PPP1R13B: variants seen among roughly 807,000 people sequenced by gnomAD.
The protein encoded by PPP1R13B is protein phosphatase 1 regulatory subunit 13B.
PPP1R13B carries 44 observed loss-of-function variants against 119.8 expected under a neutral mutation model. The observed-to-expected ratio is 0.37, with a 90% CI of 0.29 to 0.47. The LOEUF (loss-of-function observed/expected upper bound fraction) is 0.47, where lower values mean the gene tolerates loss of function less well. Ranked by LOEUF, PPP1R13B falls within the 20% of genes least tolerant of loss-of-function variation. The probability of loss-of-function intolerance (pLI) is 0.99; values close to 1 mark genes in which losing one functional copy is unlikely to be tolerated. For missense variants in PPP1R13B, 1,227 were observed against 1,413.5 expected (o/e 0.87, Z 2.12); for synonymous variants, 542 against 561.5 (o/e 0.97, Z 0.49).
intron 7 of PPP1R13B, among the ~76,000 whole-genome samples, chr14:103,751,565 C>A (rs762185224): frequency 6.6e-6 from 1 of 152,062 alleles, no homozygotes; most frequent in Non-Finnish European, 1.5e-5. Flanking sequence ...TATGTTGAAG[C>A]CCTAACCCCA....
At chr14:103,780,518 A>C (rs2085312574) in intron 3 of PPP1R13B, among the ~76,000 whole-genome samples, 1 of 140,200 alleles carries the variant, frequency 7.1e-6, no homozygotes, top group Non-Finnish European at 1.5e-5. Context: ...AAAAAAAGAC[A>C]TTCACTGAGA....
At chr14:103,756,715 G>C (rs138086924) in intron 5 of PPP1R13B, among the ~76,000 whole-genome samples, 2 of 152,066 alleles carry the variant, frequency 1.3e-5, no homozygotes, top group African/African-American at 4.8e-5. Context: ...AACATACCCA[G>C]AGGCAAAAGG....
chr14:103,804,981 C>T (rs1430250564), intron 1 of PPP1R13B, among the ~76,000 whole-genome samples: 1 of 152,120 alleles, frequency 6.6e-6, no homozygotes, highest in Non-Finnish European at 1.5e-5. Context: ...GGATTATAGG[C>T]GCACGCTATC....
intron 4 of PPP1R13B, among the ~76,000 whole-genome samples, chr14:103,772,959 G>A (rs2085105963): frequency 6.6e-6 from 1 of 152,128 alleles, no homozygotes; most frequent in Non-Finnish European, 1.5e-5. Flanking sequence ...GAGCCATTGA[G>A]CTCGGCCTAT....
chr14:103,824,812 C>T (rs1014145725), intron 1 of PPP1R13B, among the ~76,000 whole-genome samples: 8 of 152,224 alleles, frequency 5.3e-5, no homozygotes, highest in African/African-American at 1.9e-4. Flanking sequence ...CTTTGTACTA[C>T]ATTTATCTTC....
intron 4 of PPP1R13B, among the ~76,000 whole-genome samples, chr14:103,761,047 G>A (rs1026427911): frequency 1.3e-5 from 2 of 151,932 alleles, no homozygotes; most frequent in South Asian, 4.1e-4. Context: ...GATGGCTCAC[G>A]GCTATAATCC....
At chr14:103,811,094 C>CAAAAAAAAAAA (rs36017203) in intron 1 of PPP1R13B, among the ~76,000 whole-genome samples, 3 of 65,842 alleles carry the variant, frequency 4.6e-5, no homozygotes, top group Non-Finnish European at 8.4e-5. Flanking sequence ...GACTCCTCCT[C>CAAAAAAAAAAA]AAAAAAAAAA....
At chr14:103,766,635 A>C (rs1484393154) in intron 4 of PPP1R13B, among the ~76,000 whole-genome samples, 3 of 152,144 alleles carry the variant, frequency 2.0e-5, no homozygotes, top group Non-Finnish European at 4.4e-5. Context: ...TTCAGACAAG[A>C]GTCTCGCTCT....
chr14:103,791,265 GCAAA>G (rs1299430519), intron 2 of PPP1R13B, among the ~76,000 whole-genome samples: 5 of 151,976 alleles, frequency 3.3e-5, no homozygotes, highest in Admixed American at 2.6e-4. Flanking sequence ...GACTACAGGC[GCAAA>G]CAATCACGCC....
intron 4 of PPP1R13B, among the ~76,000 whole-genome samples, chr14:103,772,675 C>CTTTTTT (rs200012700): frequency 1.4e-5 from 2 of 140,578 alleles, no homozygotes; most frequent in African/African-American, 2.6e-5. Flanking sequence ...GTTTCTTTTT[C>CTTTTTT]TTTTTTTTTT....
chr14:103,742,913 C>G lies in PPP1R13B; in HGVS notation c.1151-90G>C. 1.4e-6 allele frequency: 2 copies of G among 1,413,740 alleles called. No individual in the cohort carries two copies. Among genetic ancestry groups the G allele is most frequent in the Non-Finnish European group, 2.0e-6 (2 of 1,023,782 alleles). The allele number at this position is 1,413,740 out of a possible 1,614,324, so 87.6% of individuals were successfully genotyped here. On this transcript the variant is annotated intron_variant, in intron 9 of 16. Transcript: ENST00000202556. This position sits in a 1 kb window ranked among gnomAD's most constrained non-coding sequence, Gnocchi z 4.9. ...CACTCTGCCAGAAACAAAAACAGCACTGGGACATCCCATTCTGATGCAGAT... is the reference window on the plus strand; with the variant it reads ...CACTCTGCCAGAAACAAAAACAGCAGTGGGACATCCCATTCTGATGCAGAT...
intron 4 of PPP1R13B, among the ~76,000 whole-genome samples, chr14:103,761,533 G>A (rs1293411830): frequency 6.6e-6 from 1 of 151,994 alleles, no homozygotes; most frequent in Non-Finnish European, 1.5e-5. Context: ...GGAGGCCAAG[G>A]TGGGCGGATC....
intron 4 of PPP1R13B, among the ~76,000 whole-genome samples, chr14:103,768,933 CAATA>C (rs2085000492): frequency 6.6e-6 from 1 of 152,052 alleles, no homozygotes; most frequent in Non-Finnish European, 1.5e-5. Context: ...ATATATTTCA[CAATA>C]AAGAATAGAA....
intron 2 of PPP1R13B, among the ~76,000 whole-genome samples, chr14:103,794,830 T>C (rs758289836): frequency 1.3e-5 from 2 of 152,254 alleles, no homozygotes; most frequent in Non-Finnish European, 2.9e-5. Flanking sequence ...GTTTACTAAG[T>C]GCCTTCTATG....
At chr14:103,838,771 C>T (rs946914311) in intron 1 of PPP1R13B, among the ~76,000 whole-genome samples, 1 of 152,160 alleles carries the variant, frequency 6.6e-6, no homozygotes, top group Non-Finnish European at 1.5e-5. Context: ...TGCATCTGAT[C>T]CTCCTACCAA....
chr14:103,797,377 C>T lies in PPP1R13B; in HGVS notation c.151G>A (p.Gly51Arg), dbSNP rs764873599. Reference sequence around the variant, plus strand: ...TACAGGACCTAATACATACCATTTCCCCTCCACACTTCAGCTAAATGGCAG... The same window carrying T: ...TACAGGACCTAATACATACCATTTCTCCTCCACACTTCAGCTAAATGGCAG... Reference protein sequence around the residue: ...GSCHLAEVWRGNERPIPFDHM... With the variant: ...GSCHLAEVWRRNERPIPFDHM... Residue 51 changes from glycine to arginine, a missense_variant, in exon 2 of 17, where the codon GGA becomes AGA. Coordinates refer to ENST00000202556, the MANE Select transcript of PPP1R13B (RefSeq NM_015316.3). 10 of 1,613,368 alleles carry T rather than the reference C, an allele frequency of 6.2e-6. No homozygotes were observed. The South Asian group carries it at 1.1e-4, about 18-fold the overall frequency.
Position 103,734,686 on chromosome 14 carries a change from G to T in PPP1R13B, c.*468C>A, listed in dbSNP as rs1300263227. 2.2e-6 allele frequency: 1 copy of T among 457,326 alleles called. No homozygotes were observed. The highest frequency in any genetic ancestry group is 2.0e-5 in the African/African-American group (1 of 50,254). The allele number at this position is 457,326 out of a possible 1,614,324, so 28.3% of individuals were successfully genotyped here. ...CTCCTTTGGTGATGAAGGGAAGAAG[G>T]ATCATGTGTGGGAAGTGTGAGAAAG... is the stretch of plus-strand genomic sequence containing the variant. On this transcript the variant is annotated 3_prime_UTR_variant, in exon 17 of 17. Coordinates refer to ENST00000202556, the MANE Select transcript of PPP1R13B (RefSeq NM_015316.3).
intron 1 of PPP1R13B, among the ~76,000 whole-genome samples, chr14:103,834,840 A>G (rs2086738396): frequency 6.6e-6 from 1 of 151,860 alleles, no homozygotes; most frequent in African/African-American, 2.4e-5. Context: ...TAAGCCACCC[A>G]CCTCGGACTC....
chr14:103,784,702 G>GGT lies in PPP1R13B; in HGVS notation c.277+91_277+92dup, dbSNP rs2085415747. 8.5e-6 allele frequency: 11 copies of GGT among 1,290,612 alleles called. No homozygotes were observed. In the South Asian group the frequency reaches 1.6e-4, roughly 19 times the overall value. 79.9% of individuals were successfully genotyped at this position (1,290,612 alleles called of 1,614,324 possible). A position where few individuals can be genotyped will look rare whatever the true frequency, so the allele number is the denominator to read the frequency against. On this transcript the variant is annotated intron_variant, in intron 3 of 16. Transcript: ENST00000202556. ...CTAGCCACTTGTAAGTGCAGGGCCG[G>GGT]GTGTGTGTGAATAATTTAATATTTA...
Sources: allele counts gnomAD v4.1 joint callset (sites outside exome capture counted in the v4.1 genomes callset), GRCh38; gene constraint gnomAD v4.1.1; non-coding constraint Gnocchi (gnomAD v3.1); transcripts MANE v1.5; gene names NCBI Gene and HGNC (gene_info 2026-07-23, HGNC 2026-07-21).